The following CPT2 variants were observed in gnomAD, a reference collection of about 807,000 sequenced individuals.
The protein encoded by CPT2 is carnitine O-palmitoyltransferase 2, mitochondrial.
Under a neutral mutation model 48.6 loss-of-function variants are expected in CPT2, and 37 were observed. The ratio of observed to expected loss-of-function variants is 0.76; its 90% CI spans 0.59 to 1.00. CPT2 has a LOEUF of 1.00. Among genes scored for constraint, CPT2 ranks in the 50% least tolerant of loss-of-function variants. The probability of loss-of-function intolerance (pLI) is 0.00; values close to 1 mark genes in which losing one functional copy is unlikely to be tolerated. For missense variants in CPT2, 772 were observed against 825.6 expected (o/e 0.94, Z 0.80); for synonymous variants, 319 against 326.9 (o/e 0.98, Z 0.26).
intron 2 of CPT2, chr1:53,201,024 C>G (rs190177252): frequency 1.7e-6 from 1 of 574,712 alleles, no homozygotes. Flanking sequence ...AGTTTATAAG[C>G]CAGAATGCCA....
Position 53,210,114 on chromosome 1 carries a change from A to T in CPT2, c.440A>T (p.Asp147Val). ...CCTGACCCAAAATCTGAGTATAATG[A>T]CCAGCTCACCCGGGCAACCAACATG... Reference protein sequence around the residue: ...FNPDPKSEYNDQLTRATNMTV... With the variant: ...FNPDPKSEYNVQLTRATNMTV... Residue 147 changes from aspartate (D) to valine (V), a missense_variant, in exon 4 of 5, where the codon GAC becomes GTC. Transcript: ENST00000371486. 1 of 1,614,130 alleles carries T rather than the reference A, an allele frequency of 6.2e-7. No individual in the cohort carries two copies.
intron 3 of CPT2, among the ~76,000 whole-genome samples, chr1:53,204,787 A>T (rs1461745617): frequency 1.3e-5 from 2 of 152,058 alleles, no homozygotes; most frequent in East Asian, 3.9e-4. Flanking sequence ...ACGAGCTCTG[A>T]TAGTTAAAAA....
At position 53,210,051 on chromosome 1, in the gene CPT2, C is replaced by G. The variant is rs750572726; in HGVS notation, c.377C>G (p.Ser126Cys). 1.2e-6 allele frequency: 2 copies of G among 1,614,004 alleles called. No homozygotes were observed. Among genetic ancestry groups the G allele is most frequent in the African/African-American group, 2.7e-5 (2 of 74,968 alleles). Reference sequence around the variant, plus strand: ...GATATGTACCTATCTGCTCGAGACTCCGTTGTTCTGAACTTTAATCCATTT... The same window carrying G: ...GATATGTACCTATCTGCTCGAGACTGCGTTGTTCTGAACTTTAATCCATTT... ...WFDMYLSARD[S>C]VVLNFNPFMA... is the part of the protein sequence containing the mutation. Residue 126 changes from serine to cysteine, a missense_variant, in exon 4 of 5, where the codon TCC becomes TGC. Transcript: ENST00000371486.
At chr1:53,198,241 C>T (rs760825966) in intron 1 of CPT2, among the ~76,000 whole-genome samples, 1 of 152,142 alleles carries the variant, frequency 6.6e-6, no homozygotes, top group Non-Finnish European at 1.5e-5. Context: ...TCAGGGATTC[C>T]CCACACTCCA....
chr1:53,213,195 T>G, intron 4 of CPT2, 69 bp from the exon 5 acceptor site: 8 of 1,501,120 alleles, frequency 5.3e-6, no homozygotes, highest in Non-Finnish European at 7.4e-6. Context: ...TACCATGTGG[T>G]GAGTTGGGAG....
At chr1:53,212,659 G>T in intron 4 of CPT2, 1 of 398,878 alleles carries the variant, frequency 2.5e-6, no homozygotes, top group South Asian at 1.3e-4. Context: ...ACCTTTTTTT[G>T]ATAAAATTCA....
At chr1:53,201,317 C>G (rs1645353608) in intron 2 of CPT2, 1 of 177,132 alleles carries the variant, frequency 5.6e-6, no homozygotes, top group Admixed American at 5.5e-5. Context: ...TTAAATATGA[C>G]TGGTGTCCTT....
intron 4 of CPT2, among the ~76,000 whole-genome samples, chr1:53,211,960 A>G (rs1645431492): frequency 6.7e-6 from 1 of 148,228 alleles, no homozygotes; most frequent in African/African-American, 2.5e-5. Context: ...TGGTGCAATC[A>G]TGGCTCACTG....
At chr1:53,206,326 T>C (rs868759100) in intron 3 of CPT2, among the ~76,000 whole-genome samples, 2 of 152,142 alleles carry the variant, frequency 1.3e-5, no homozygotes, top group Non-Finnish European at 2.9e-5. Flanking sequence ...ATGGGAAATA[T>C]GGGGTTAGAG....
intron 3 of CPT2, 102 bp from the exon 4 acceptor site, chr1:53,209,913 T>C (rs1420847566): frequency 3.2e-6 from 3 of 949,440 alleles, no homozygotes; most frequent in African/African-American, 1.7e-5. Context: ...TGGAGGTTGA[T>C]GCCATTTCCT....
rs761731998 is a variant in CPT2, at chr1:53,211,002, T to A, written c.1328T>A (p.Ile443Asn). 11 of 1,614,196 alleles carry A rather than the reference T, an allele frequency of 6.8e-6. No individual in the cohort carries two copies. The highest frequency in any genetic ancestry group is 9.3e-6 in the Non-Finnish European group (11 of 1,180,040). Residue 443 changes from isoleucine to asparagine, a missense_variant, in exon 4 of 5, where the codon ATT becomes AAT. Coordinates refer to ENST00000371486, the MANE Select transcript of CPT2 (RefSeq NM_000098.3). ...KFDATMKTLT[I>N]DCVQFQRGGK... ...GATGCCACCATGAAAACCCTCACTA[T>A]TGACTGCGTCCAGTTTCAGAGAGGA... is the stretch of plus-strand genomic sequence containing the variant.
In CPT2 at chr1:53,196,865, T is replaced by C; in HGVS notation, c.-79T>C. ...AGTCCTGACGCAGTGTCTTGGGCGC[T>C]AACGGCGGCGGCGGCCTTGTGTTTA... On this transcript the variant is annotated 5_prime_UTR_variant, in exon 1 of 5. Transcript: ENST00000371486. 6.6e-7 allele frequency: 1 copy of C among 1,508,460 alleles called. No individual in the cohort carries two copies. Among genetic ancestry groups the C allele is most frequent in the Non-Finnish European group, 8.9e-7 (1 of 1,128,758 alleles). 93.4% of individuals were successfully genotyped at this position (1,508,460 alleles called of 1,614,324 possible). A position where few individuals can be genotyped will look rare whatever the true frequency, so the allele number is the denominator to read the frequency against.
chr1:53,197,207 T>A, intron 1 of CPT2, 112 bp downstream of exon 1: 4 of 1,306,164 alleles, frequency 3.1e-6, no homozygotes, highest in Non-Finnish European at 4.3e-6. Context: ...CCCAAGCCCC[T>A]ACCATGGAGG....
intron 3 of CPT2, chr1:53,209,666 C>T: frequency 3.1e-6 from 1 of 321,010 alleles, no homozygotes. Flanking sequence ...ATCCCAGCTA[C>T]TCAGGAGGCT....
In CPT2 at chr1:53,213,429, C is replaced by T. The variant is rs983358783; in HGVS notation, c.1811C>T (p.Pro604Leu). The T allele has an allele frequency of 5.0e-6, 8 of 1,614,124 alleles. No individual in the cohort carries two copies. The African/African-American group carries it at 8.0e-5, about 16-fold the overall frequency. Residue 604 changes from proline to leucine, a missense_variant, in exon 5 of 5, where the codon CCT (proline) becomes CTT (leucine). By Grantham distance (98) the Pro-to-Leu change is moderately conservative. Coordinates refer to ENST00000371486, the MANE Select transcript of CPT2 (RefSeq NM_000098.3). ...GCAGTGAACCTTGGGGGCTTTGCCC[C>T]TGTGGTCTCTGATGGCTTTGGTGTT... Reference protein sequence around the residue: ...SPAVNLGGFAPVVSDGFGVGY... With the variant: ...SPAVNLGGFALVVSDGFGVGY...
intron 3 of CPT2, chr1:53,208,560 C>CT (rs542033619): frequency 3.3e-4 from 50 of 152,316 alleles, no homozygotes; most frequent in Non-Finnish European, 6.0e-4. Flanking sequence ...TTTTTTAGTA[C>CT]TTTCTAAACA....
At chr1:53,202,587 T>G in intron 3 of CPT2, 158 bp downstream of exon 3, 1 of 695,756 alleles carries the variant, frequency 1.4e-6, no homozygotes, top group Non-Finnish European at 2.6e-6. Flanking sequence ...TAAGGCTGAG[T>G]GTGTTCCTCC....
chr1:53,199,690 G>T (rs115461787), intron 1 of CPT2: 60 of 152,350 alleles, frequency 3.9e-4, no homozygotes, highest in African/African-American at 1.4e-3. Context: ...GTCAGTGAAT[G>T]TAAGGGGATC....
chr1:53,202,224 G>C (rs1557713918), intron 2 of CPT2, 99 bp from the exon 3 acceptor site: 2 of 870,894 alleles, frequency 2.3e-6, no homozygotes, highest in Admixed American at 3.8e-5. Context: ...GGGCTATGCT[G>C]TTGGGGACCC....
Sources: gnomAD v4.1 joint callset for allele counts (sites outside exome capture counted in the v4.1 genomes callset) on GRCh38, gnomAD v4.1.1 for gene constraint, MANE v1.5 for transcripts, NCBI Gene and HGNC (gene_info 2026-07-23, HGNC 2026-07-21) for gene names.